The following ADCY2 variants were observed in gnomAD, a reference collection of about 807,000 sequenced individuals.
The protein encoded by ADCY2 is adenylate cyclase 2, also known as adenylate cyclase type 2.
ADCY2 carries 31 observed loss-of-function variants against 125.2 expected under a neutral mutation model. That is an observed-to-expected ratio of 0.25 (90% CI 0.19 to 0.33). The LOEUF (loss-of-function observed/expected upper bound fraction) is 0.33. ADCY2 is among the 10% of genes least tolerant of loss of function. The pLI, the probability that ADCY2 is intolerant of heterozygous loss-of-function variation, is 1.00. For synonymous variants in ADCY2, 512 were observed against 548.4 expected (o/e 0.93, Z 0.93); for missense variants, 904 against 1,418.2 (o/e 0.64, Z 5.82).
chr5:7,688,266 T>A (rs930682812), intron 4 of ADCY2, among the ~76,000 whole-genome samples: 1 of 87,032 alleles, frequency 1.1e-5, no homozygotes, highest in Non-Finnish European at 2.1e-5. Context: ...CTCCTGATTT[T>A]TTTTGTTGTT....
intron 14 of ADCY2, among the ~76,000 whole-genome samples, chr5:7,735,896 A>G (rs1742235063): frequency 6.6e-6 from 1 of 152,136 alleles, no homozygotes; most frequent in African/African-American, 2.4e-5. Flanking sequence ...ATGGATATTA[A>G]TTCTTCTTTC....
rs73044506 is a variant in ADCY2 at position 7,411,567 on chromosome 5, G to A, written c.211-3006G>A. On this transcript the variant is annotated intron_variant, in intron 1 of 24. Transcript: ENST00000338316. ...AAACATTTTTGCAGGACTCTAAGAG[G>A]GCTGTAGGACCCAGACACTGTGCTC... is the stretch of plus-strand genomic sequence containing the variant. Among the ~76,000 whole-genome samples the A allele has an allele frequency of 8.9e-3, 1,351 of 152,112 alleles. 20 individuals are homozygous for A. The highest frequency in any genetic ancestry group is 0.031 in the African/African-American group (1,274 of 41,432).
intron 2 of ADCY2, among the ~76,000 whole-genome samples, chr5:7,491,577 T>C (rs914534722): frequency 2.0e-5 from 3 of 152,188 alleles, no homozygotes; most frequent in Admixed American, 6.5e-5. Flanking sequence ...TTTTGTTCTT[T>C]TCTTTTTGTG....
intron 2 of ADCY2, among the ~76,000 whole-genome samples, chr5:7,511,313 C>T (rs1384974838): frequency 4.6e-5 from 7 of 152,182 alleles, no homozygotes. Context: ...CGGTGCCTCA[C>T]GCCTGTAATC....
chr5:7,817,729 G>A (rs372346684), intron 23 of ADCY2, among the ~76,000 whole-genome samples: 5 of 150,978 alleles, frequency 3.3e-5, no homozygotes, highest in East Asian at 3.9e-4. Flanking sequence ...AGGCTGAGGC[G>A]GAAGGATTGA....
chr5:7,780,376 G>T (rs955407199), intron 18 of ADCY2, among the ~76,000 whole-genome samples: 2 of 152,172 alleles, frequency 1.3e-5, no homozygotes, highest in Non-Finnish European at 2.9e-5. Context: ...TGATACTGAC[G>T]ATTCCTGAGG....
At chr5:7,756,235 C>G (rs1474075611) in intron 15 of ADCY2, among the ~76,000 whole-genome samples, 1 of 152,200 alleles carries the variant, frequency 6.6e-6, no homozygotes, top group Non-Finnish European at 1.5e-5. Context: ...ACACTCATAC[C>G]TGGGAGAATA....
chr5:7,533,965 GCTGACTGTGGGAT>G (rs1734735048), intron 3 of ADCY2, among the ~76,000 whole-genome samples: 1 of 152,198 alleles, frequency 6.6e-6, no homozygotes, highest in African/African-American at 2.4e-5. Context: ...CAATGGAGAT[GCTGACTGTGGGAT>G]CTTCATGCTG....
intron 7 of ADCY2, among the ~76,000 whole-genome samples, chr5:7,706,423 T>C (rs1180116360): frequency 1.3e-5 from 2 of 152,222 alleles, no homozygotes; most frequent in African/African-American, 2.4e-5. Context: ...GATTCTAGTA[T>C]GAAAATGCAG....
chr5:7,538,415 C>A (rs537011900), intron 3 of ADCY2, among the ~76,000 whole-genome samples: 55 of 152,252 alleles, frequency 3.6e-4, no homozygotes, highest in African/African-American at 1.3e-3. Context: ...TAATTCCCAG[C>A]TAAATGCTTG....
chr5:7,757,037 G>A (rs922097620), intron 15 of ADCY2, among the ~76,000 whole-genome samples: 22 of 152,162 alleles, frequency 1.4e-4, no homozygotes, highest in Admixed American at 1.4e-3. Flanking sequence ...TGTTAAAAGG[G>A]TTAGGAGATG....
At chr5:7,444,956 TCTCCAGTTTTAAGA>T (rs1211556481) in intron 2 of ADCY2, among the ~76,000 whole-genome samples, 1 of 152,198 alleles carries the variant, frequency 6.6e-6, no homozygotes, top group Non-Finnish European at 1.5e-5. Flanking sequence ...ATTAGGTTGT[TCTCCAGTTTTAAGA>T]GTTCTTTATT....
chr5:7,764,922 T>C lies in ADCY2; in HGVS notation c.2095-1765T>C, dbSNP rs149436921. On this transcript the variant is annotated intron_variant, in intron 16 of 24. Transcript: ENST00000338316. Reference sequence around the variant, plus strand: ...GGGAAGCTGATTCAAAATTGTAGTATGATTTTAGACAGAATGAAGAGTTTC... The same window carrying C: ...GGGAAGCTGATTCAAAATTGTAGTACGATTTTAGACAGAATGAAGAGTTTC... 1.2e-3 allele frequency among the ~76,000 whole-genome samples: 176 copies of C among 152,336 alleles called. 2 individuals are homozygous for C. Among genetic ancestry groups the C allele is most frequent in the Non-Finnish European group, 2.2e-4 (15 of 68,020 alleles).
intron 4 of ADCY2, among the ~76,000 whole-genome samples, chr5:7,671,437 T>C (rs1739931927): frequency 6.6e-6 from 1 of 152,160 alleles, no homozygotes; most frequent in Non-Finnish European, 1.5e-5. Flanking sequence ...GATGCTCGAG[T>C]GAGCATGGGA....
intron 13 of ADCY2, among the ~76,000 whole-genome samples, chr5:7,726,052 A>G (rs1741920091): frequency 6.6e-6 from 1 of 152,200 alleles, no homozygotes; most frequent in African/African-American, 2.4e-5. Flanking sequence ...AAATCTCTGG[A>G]GACCCCTCAG....
At chr5:7,685,474 T>C (rs1740491029) in intron 4 of ADCY2, among the ~76,000 whole-genome samples, 1 of 152,234 alleles carries the variant, frequency 6.6e-6, no homozygotes. Context: ...CCATTTCTAC[T>C]GCGATGCCTT....
chr5:7,613,914 G>C (rs1864089), intron 3 of ADCY2, among the ~76,000 whole-genome samples: 1 of 151,978 alleles, frequency 6.6e-6, no homozygotes, highest in Non-Finnish European at 1.5e-5. Context: ...ATTATTTACT[G>C]TACAAAAGAA....
chr5:7,399,213 C>T (rs553744604), intron 1 of ADCY2, among the ~76,000 whole-genome samples: 6 of 152,276 alleles, frequency 3.9e-5, no homozygotes, highest in African/African-American at 1.2e-4. Flanking sequence ...ATTTTGATTT[C>T]CATTAGACTT....
intron 18 of ADCY2, among the ~76,000 whole-genome samples, chr5:7,776,577 A>G (rs1743735876): frequency 6.6e-6 from 1 of 152,008 alleles, no homozygotes; most frequent in Non-Finnish European, 1.5e-5. Flanking sequence ...TGTCAACATG[A>G]TTGGATTGAA....
Sources: gnomAD v4.1 joint callset for allele counts (sites outside exome capture counted in the v4.1 genomes callset) on GRCh38, gnomAD v4.1.1 for gene constraint, MANE v1.5 for transcripts, NCBI Gene and HGNC (gene_info 2026-07-23, HGNC 2026-07-21) for gene names.